The following HTR2A variants were observed in gnomAD, a reference collection of about 807,000 sequenced individuals.
The protein encoded by HTR2A is 5-hydroxytryptamine receptor 2A.
In HTR2A, 14 loss-of-function variants were observed where a neutral mutation model predicts 31.0. The observed-to-expected ratio is 0.45, with a 90% CI of 0.30 to 0.71. The LOEUF (loss-of-function observed/expected upper bound fraction) is 0.71, where lower values mean the gene tolerates loss of function less well. Ranked by LOEUF, HTR2A falls within the 30% of genes least tolerant of loss-of-function variation. The pLI is 0.09. For synonymous variants in HTR2A, 209 were observed against 225.2 expected (o/e 0.93, Z 0.64); for missense variants, 442 against 573.3 (o/e 0.77, Z 2.34).
chr13:46,839,259 T>G (rs546951954), intron 3 of HTR2A, among the ~76,000 whole-genome samples: 1 of 152,168 alleles, frequency 6.6e-6, no homozygotes, highest in Non-Finnish European at 1.5e-5. Flanking sequence ...CGTATACCAT[T>G]CTTTTTCCAT....
At chr13:46,870,378 T>C (rs1950855203) in intron 3 of HTR2A, among the ~76,000 whole-genome samples, 4 of 152,154 alleles carry the variant, frequency 2.6e-5, no homozygotes, top group African/African-American at 4.8e-5. Flanking sequence ...AGAGAATAAC[T>C]TGCAGGTATT....
At chr13:46,881,892 A>C (rs1296643736) in intron 3 of HTR2A, among the ~76,000 whole-genome samples, 1 of 152,124 alleles carries the variant, frequency 6.6e-6, no homozygotes, top group African/African-American at 2.4e-5. Flanking sequence ...TTATTTTTTC[A>C]AGCATTTTTT....
At position 46,858,099 on chromosome 13, in the gene HTR2A, C is replaced by G. The variant is rs556233472; in HGVS notation, c.614-22460G>C. ...AGGATTTAGTGATTGGGTGGAGGTGCAAGTAAGAAAATGAAGGTTAAGAGT... is the reference window on the plus strand; with the variant it reads ...AGGATTTAGTGATTGGGTGGAGGTGGAAGTAAGAAAATGAAGGTTAAGAGT... On this transcript the variant is annotated intron_variant, in intron 3 of 3. Transcript: ENST00000542664. 7.9e-5 allele frequency among the ~76,000 whole-genome samples: 12 copies of G among 151,858 alleles called. No individual in the cohort carries two copies. In the South Asian group the frequency reaches 2.5e-3, roughly 32 times the overall value.
chr13:46,838,958 C>A (rs1950578081), intron 3 of HTR2A, among the ~76,000 whole-genome samples: 1 of 148,494 alleles, frequency 6.7e-6, no homozygotes, highest in Middle Eastern at 3.2e-3. Flanking sequence ...GGAATAGTGT[C>A]TTTGGTTGGA....
At chr13:46,836,803 C>T (rs1258355731) in intron 3 of HTR2A, among the ~76,000 whole-genome samples, 1 of 152,116 alleles carries the variant, frequency 6.6e-6, no homozygotes, top group Non-Finnish European at 1.5e-5. Flanking sequence ...CACTCTTAGA[C>T]AAACCTAATA....
At chr13:46,888,621 C>T (rs1368250760) in intron 3 of HTR2A, among the ~76,000 whole-genome samples, 1 of 151,810 alleles carries the variant, frequency 6.6e-6, no homozygotes, top group African/African-American at 2.4e-5. Flanking sequence ...GGAACCCAGG[C>T]AAAATCATGA....
At chr13:46,871,380 A>C (rs1219275999) in intron 3 of HTR2A, among the ~76,000 whole-genome samples, 1 of 152,198 alleles carries the variant, frequency 6.6e-6, no homozygotes, top group African/African-American at 2.4e-5. Context: ...GGCTGGATTG[A>C]AAAACAACCT....
chr13:46,856,786 T>C (rs1468351074), intron 3 of HTR2A, among the ~76,000 whole-genome samples: 1 of 152,196 alleles, frequency 6.6e-6, no homozygotes, highest in Admixed American at 6.5e-5. Flanking sequence ...AGTGAATATC[T>C]ACTAAGTGCC....
At chr13:46,881,876 G>A (rs1055715147) in intron 3 of HTR2A, among the ~76,000 whole-genome samples, 68 of 152,144 alleles carry the variant, frequency 4.5e-4, no homozygotes, top group African/African-American at 1.5e-3. Flanking sequence ...GGTTTACTCA[G>A]TTGATTTATT....
At position 46,896,061 on chromosome 13, in the gene HTR2A, A is replaced by C; in HGVS notation, c.-155T>G. On this transcript the variant is annotated 5_prime_UTR_variant, in exon 2 of 4. Transcript: ENST00000542664. ...TGGATTTTTGTCTTCCATTATTACAATGATAGTTAAAGAACTGAACTGTGG... is the reference window on the plus strand; with the variant it reads ...TGGATTTTTGTCTTCCATTATTACACTGATAGTTAAAGAACTGAACTGTGG... 1 of 1,400,906 alleles carries C rather than the reference A, an allele frequency of 7.1e-7. No individual in the cohort carries two copies. Among genetic ancestry groups the C allele is most frequent in the Non-Finnish European group, 9.2e-7 (1 of 1,084,500 alleles). The allele number at this position is 1,400,906 out of a possible 1,614,324, so 86.8% of individuals were successfully genotyped here.
intron 3 of HTR2A, among the ~76,000 whole-genome samples, chr13:46,853,719 G>A (rs1313493880): frequency 6.6e-6 from 1 of 152,074 alleles, no homozygotes; most frequent in African/African-American, 2.4e-5. Flanking sequence ...CCAGGGTAGC[G>A]TGGACACTCT....
intron 3 of HTR2A, among the ~76,000 whole-genome samples, chr13:46,842,899 G>A (rs1360183429): frequency 6.6e-6 from 1 of 152,090 alleles, no homozygotes; most frequent in African/African-American, 2.4e-5. Context: ...CCTTTCCATA[G>A]CTTCGGTTAC....
chr13:46,883,094 G>T (rs1341833916), intron 3 of HTR2A, among the ~76,000 whole-genome samples: 1 of 152,180 alleles, frequency 6.6e-6, no homozygotes, highest in Admixed American at 6.5e-5. Flanking sequence ...GCCAATTATA[G>T]AAAATAAAAA....
At chr13:46,853,187 A>C (rs1191209631) in intron 3 of HTR2A, among the ~76,000 whole-genome samples, 1 of 152,014 alleles carries the variant, frequency 6.6e-6, no homozygotes, top group Non-Finnish European at 1.5e-5. Flanking sequence ...ACACCAGGAG[A>C]AGGGGTTACA....
chr13:46,855,656 G>T (rs1950730270), intron 3 of HTR2A, among the ~76,000 whole-genome samples: 1 of 152,146 alleles, frequency 6.6e-6, no homozygotes, highest in Admixed American at 6.5e-5. Flanking sequence ...AAGGTGGGAT[G>T]GCCAGCAGGG....
intron 3 of HTR2A, among the ~76,000 whole-genome samples, chr13:46,888,547 A>G (rs556048918): frequency 6.6e-6 from 1 of 152,194 alleles, no homozygotes; most frequent in East Asian, 1.9e-4. Flanking sequence ...CAAAATAAAG[A>G]TGCTTAGGAT....
intron 3 of HTR2A, among the ~76,000 whole-genome samples, chr13:46,867,319 TA>T (rs1950825308): frequency 6.6e-6 from 1 of 152,148 alleles, no homozygotes. Context: ...TACTTACATT[TA>T]AAGGCTGACG....
At chr13:46,850,958 G>GT (rs1390817856) in intron 3 of HTR2A, among the ~76,000 whole-genome samples, 14 of 152,166 alleles carry the variant, frequency 9.2e-5, no homozygotes, top group African/African-American at 3.4e-4. Flanking sequence ...GATGTTGAAT[G>GT]TTTTTCCTCC....
At chr13:46,892,815 T>G (rs2070036) in intron 2 of HTR2A, among the ~76,000 whole-genome samples, 7,012 of 152,246 alleles carry the variant, frequency 0.046, 296 homozygotes, top group East Asian at 0.25. Flanking sequence ...GTGTCTGGAG[T>G]TATGTGAGTG....
Sources: gnomAD v4.1 joint callset for allele counts (sites outside exome capture counted in the v4.1 genomes callset) on GRCh38, gnomAD v4.1.1 for gene constraint, MANE v1.5 for transcripts, NCBI Gene and HGNC (gene_info 2026-07-23, HGNC 2026-07-21) for gene names.